The following ROBO1 variants were observed in gnomAD, a reference collection of about 807,000 sequenced individuals.
The protein encoded by ROBO1 is roundabout guidance receptor 1, also known as roundabout homolog 1.
Under a neutral mutation model 195.9 loss-of-function variants are expected in ROBO1, and 149 were observed. The observed-to-expected ratio is 0.76, with a 90% confidence interval of 0.67 to 0.87. The LOEUF (loss-of-function observed/expected upper bound fraction) is 0.87, where lower values mean the gene tolerates loss of function less well. Among genes scored for constraint, ROBO1 ranks in the 40% least tolerant of loss-of-function variants. The pLI, the probability that ROBO1 is intolerant of heterozygous loss-of-function variation, is 0.00. For synonymous variants in ROBO1, 816 were observed against 733.2 expected, an observed-to-expected ratio of 1.11 and a Z score of -1.82; for missense variants, 1,933 against 2,068.3, an observed-to-expected ratio of 0.93 and a Z score of 1.27.
chr3:79,674,608 G>A (rs1332751753), intron 1 of ROBO1, among the ~76,000 whole-genome samples: 1 of 151,750 alleles, frequency 6.6e-6, no homozygotes, highest in East Asian at 1.9e-4. Flanking sequence ...ATATAATTTT[G>A]TAGTTATGAA....
chr3:78,645,509 T>C (rs547513695), intron 21 of ROBO1, among the ~76,000 whole-genome samples: 1 of 151,980 alleles, frequency 6.6e-6, no homozygotes, highest in South Asian at 2.1e-4. Context: ...ACATAACTTA[T>C]ACCTTATTTC....
rs542025949 is a variant in ROBO1 at position 79,643,137 on chromosome 3, T to C, written c.-50-53176A>G. On this transcript the variant is annotated intron_variant, in intron 1 of 30. Transcript: ENST00000464233. ...AGTTGGAAAGAGCAGACTTGCTGTG[T>C]CTTCTGGCTTTCATCTTTTTCTCAT... Among the ~76,000 whole-genome samples the C allele has an allele frequency of 4.6e-5, 7 of 152,222 alleles. No individual in the cohort carries two copies. The South Asian group carries it at 1.4e-3, about 32-fold the overall frequency.
intron 2 of ROBO1, among the ~76,000 whole-genome samples, chr3:79,550,195 G>GAAAGGAAAGAAAGAAAAAA: frequency 9.9e-6 from 1 of 100,812 alleles, no homozygotes; most frequent in Non-Finnish European, 1.9e-5. Flanking sequence ...AAGAAAGAAA[G>GAAAGGAAAGAAAGAAAAAA]GAAAAGAAAA....
At chr3:79,253,316 T>G (rs1202020862) in intron 2 of ROBO1, among the ~76,000 whole-genome samples, 2 of 152,150 alleles carry the variant, frequency 1.3e-5, no homozygotes, top group East Asian at 3.9e-4. Context: ...CCCCAGCAGT[T>G]TGGGTATTAA....
chr3:79,556,558 T>A (rs1942707029), intron 2 of ROBO1, among the ~76,000 whole-genome samples: 1 of 152,056 alleles, frequency 6.6e-6, no homozygotes, highest in Non-Finnish European at 1.5e-5. Flanking sequence ...TAGAACTCAC[T>A]CCAATAAGTT....
intron 2 of ROBO1, among the ~76,000 whole-genome samples, chr3:79,469,509 G>A (rs1938151174): frequency 6.6e-6 from 1 of 152,076 alleles, no homozygotes; most frequent in South Asian, 2.1e-4. Flanking sequence ...AAGAAATGTA[G>A]GTACAACATT....
intron 4 of ROBO1, among the ~76,000 whole-genome samples, chr3:78,820,125 C>T (rs1290601716): frequency 6.6e-6 from 1 of 152,146 alleles, no homozygotes; most frequent in African/African-American, 2.4e-5. Context: ...CTACGTCTTT[C>T]AGGTTGGGTC....
At chr3:79,523,188 C>G (rs1251229653) in intron 2 of ROBO1, among the ~76,000 whole-genome samples, 1 of 149,306 alleles carries the variant, frequency 6.7e-6, no homozygotes, top group Non-Finnish European at 1.5e-5. Context: ...CACACACACA[C>G]ACACACAAAT....
chr3:79,214,246 C>G lies in ROBO1; in HGVS notation c.89-88707G>C, dbSNP rs575382924. On this transcript the variant is annotated intron_variant, in intron 2 of 30. Transcript: ENST00000464233. ...CATTACAGTAATAAACAATAAACTA[C>G]AGTAATAAACAGCAAACAGTTTATT... Among the ~76,000 whole-genome samples, 66 of 152,034 alleles carry G rather than the reference C, an allele frequency of 4.3e-4. 1 individual carries two copies. Among genetic ancestry groups the G allele is most frequent in the African/African-American group, 1.5e-3 (64 of 41,480 alleles).
At chr3:79,584,274 A>G (rs1018504251) in intron 2 of ROBO1, among the ~76,000 whole-genome samples, 2 of 145,848 alleles carry the variant, frequency 1.4e-5, no homozygotes, top group South Asian at 2.1e-4. Context: ...ATATATATAT[A>G]TATATTACTA....
chr3:79,232,548 G>A (rs2082338836), intron 2 of ROBO1, among the ~76,000 whole-genome samples: 1 of 151,570 alleles, frequency 6.6e-6, no homozygotes, highest in Non-Finnish European at 1.5e-5. Context: ...CTTGTGTAGG[G>A]CAAGATTAAA....
intron 19 of ROBO1, among the ~76,000 whole-genome samples, chr3:78,650,365 T>C (rs1485516264): frequency 1.3e-5 from 2 of 152,116 alleles, no homozygotes; most frequent in Non-Finnish European, 2.9e-5. Context: ...TTAAGGATGA[T>C]AATGCTAAAG....
chr3:79,479,812 T>C (rs1373093543), intron 2 of ROBO1, among the ~76,000 whole-genome samples: 3 of 152,210 alleles, frequency 2.0e-5, no homozygotes, highest in Non-Finnish European at 4.4e-5. Context: ...AGATCTTTCA[T>C]CAACAATATT....
At chr3:78,700,770 T>C (rs1173513031) in intron 8 of ROBO1, among the ~76,000 whole-genome samples, 1 of 64,584 alleles carries the variant, frequency 1.5e-5, no homozygotes, top group African/African-American at 3.0e-5. Flanking sequence ...TTTTCTTTTT[T>C]TTTTTTTTTT....
intron 2 of ROBO1, among the ~76,000 whole-genome samples, chr3:79,574,344 C>A (rs779467273): frequency 2.0e-5 from 3 of 151,902 alleles, no homozygotes; most frequent in Non-Finnish European, 4.4e-5. Flanking sequence ...TTTTCGTGCA[C>A]CTAACCCTTT....
rs138534127 is a variant in ROBO1, at chr3:78,883,026, C to T, written c.499+55575G>A. ...TGGGGTTTCACCATGTTGGCCAGGC[C>T]GGTCTTGAACTCCTGACCTCAAATG... On this transcript the variant is annotated intron_variant, in intron 4 of 30. Coordinates refer to ENST00000464233, the MANE Select transcript of ROBO1 (RefSeq NM_002941.4). Among the ~76,000 whole-genome samples the T allele has an allele frequency of 6.7e-3, 1,015 of 151,632 alleles. 11 individuals carry two copies. The highest frequency in any genetic ancestry group is 0.037 in the Middle Eastern group (11 of 294).
intron 2 of ROBO1, among the ~76,000 whole-genome samples, chr3:79,440,723 T>A (rs2039025041): frequency 6.6e-6 from 1 of 152,128 alleles, no homozygotes; most frequent in South Asian, 2.1e-4. Flanking sequence ...AGAGGCACAT[T>A]TGTTTTGGTT....
intron 2 of ROBO1, among the ~76,000 whole-genome samples, chr3:79,294,651 G>A (rs554959220): frequency 3.1e-4 from 47 of 151,936 alleles, no homozygotes; most frequent in African/African-American, 8.9e-4. Flanking sequence ...CAATCATAAG[G>A]GTGAACAGGC....
intron 3 of ROBO1, among the ~76,000 whole-genome samples, chr3:79,000,992 A>G (rs2077488318): frequency 6.6e-6 from 1 of 152,116 alleles, no homozygotes; most frequent in East Asian, 1.9e-4. Flanking sequence ...GGAGCTGGAA[A>G]CCATCGTTCT....
Sources: allele counts gnomAD v4.1 joint callset (sites outside exome capture counted in the v4.1 genomes callset), GRCh38; gene constraint gnomAD v4.1.1; transcripts MANE v1.5; gene names NCBI Gene and HGNC (gene_info 2026-07-23, HGNC 2026-07-21).